Variants in TSGA13 observed in about 807,000 individuals in gnomAD.
TSGA13 encodes the protein testis-specific gene 13 protein.
A neutral mutation model predicts 35.1 loss-of-function variants in TSGA13; 37 were observed. The observed-to-expected ratio is 1.05, with a 90% CI of 0.81 to 1.39. The LOEUF is 1.39. Ranked by LOEUF, TSGA13 falls within the 40% of genes most tolerant of loss-of-function variation. The pLI is 0.00. For missense variants in TSGA13, 338 were observed against 328.5 expected (o/e 1.03, Z -0.22); for synonymous variants, 124 against 121.2 (o/e 1.02, Z -0.15).
rs1796186307 is a variant in TSGA13 at position 130,669,203 on chromosome 7, C to T, written c.659-20G>A. 1.9e-6 allele frequency: 3 copies of T among 1,613,890 alleles called. No individual in the cohort carries two copies. Among genetic ancestry groups the T allele is most frequent in the African/African-American group, 2.7e-5 (2 of 74,916 alleles). ...TGGAAGCTACGACAAAGCACAGGCA[C>T]CCTGGTGAATGTGGCTTTTCAGAAG... On this transcript the variant is annotated intron_variant, in intron 7 of 7. Transcript: ENST00000356588.
Position 130,679,373 on chromosome 7 carries a change from C to A in TSGA13, c.175-6G>T, listed in dbSNP as rs201258535. ...AAAGGCTTATAGTACTGGGCCTGAA[C>A]AGACAGAAAGGTTTCCAGAGAGAAA... On this transcript the variant is annotated splice_region_variant and splice_polypyrimidine_tract_variant and intron_variant, in intron 4 of 7. Coordinates refer to ENST00000356588, the MANE Select transcript of TSGA13 (RefSeq NM_052933.4). 6.2e-7 allele frequency: 1 copy of A among 1,603,046 alleles called. No individual in the cohort carries two copies. The highest frequency in any genetic ancestry group is 8.5e-7 in the Non-Finnish European group (1 of 1,174,384).
intron 7 of TSGA13, among the ~76,000 whole-genome samples, chr7:130,669,745 G>A (rs1455888630): frequency 2.0e-5 from 3 of 152,174 alleles, no homozygotes; most frequent in Non-Finnish European, 4.4e-5. Flanking sequence ...CCTACATATG[G>A]TATCATTTAA....
rs542050399 is a variant in TSGA13, at chr7:130,674,825, T to G, written c.388-1949A>C. ...CCATGTCTTTTCAATTCTGAACTTA[T>G]TCTCTTTAAGCTCTTGTATTAGGAT... On this transcript the variant is annotated intron_variant, in intron 5 of 7. Transcript: ENST00000356588. 7.7e-4 allele frequency among the ~76,000 whole-genome samples: 118 copies of G among 152,346 alleles called. No homozygotes were observed. In the Middle Eastern group the frequency reaches 0.014, roughly 18 times the overall value.
At chr7:130,670,238 T>C (rs1554462763) in intron 7 of TSGA13, among the ~76,000 whole-genome samples, 1 of 152,200 alleles carries the variant, frequency 6.6e-6, no homozygotes, top group African/African-American at 2.4e-5. Context: ...CAGATAGGTA[T>C]AGCAGGAGCA....
chr7:130,685,128 A>G (rs369401109), intron 2 of TSGA13, 60 bp downstream of exon 2: 1 of 1,524,548 alleles, frequency 6.6e-7, no homozygotes, highest in East Asian at 2.3e-5. Context: ...GCTGTGGGCT[A>G]TGCAATAAGT....
intron 7 of TSGA13, 69 bp from the exon 8 acceptor site, chr7:130,669,252 G>C: frequency 4.4e-6 from 7 of 1,597,650 alleles, no homozygotes; most frequent in Non-Finnish European, 5.1e-6. Flanking sequence ...CTTAATGTGA[G>C]ATGTAAAGGA....
chr7:130,681,067 C>T (rs782520668), intron 3 of TSGA13, 50 bp from the exon 4 acceptor site: 1 of 1,521,676 alleles, frequency 6.6e-7, no homozygotes, highest in East Asian at 2.3e-5. Flanking sequence ...CTATCCTAAA[C>T]AGTATTCCAT....
rs781938918 is a variant in TSGA13, at chr7:130,685,191, G to A, written c.20C>T (p.Thr7Ile). Residue 7 changes from threonine (T) to isoleucine (I), a missense_variant, in exon 2 of 8, where the codon ACC becomes ATC. By Grantham distance (89) the Thr-to-Ile change is moderately conservative. Transcript: ENST00000356588. MSQKRQ[T>I]KFQNGKSKTS... ...TTGGGCAAACAAGACTACATACTTG[G>A]TTTGTCTCTTTTGGCTCATTGCTGT... 1.2e-6 allele frequency: 2 copies of A among 1,613,350 alleles called. No homozygotes were observed. The highest frequency in any genetic ancestry group is 1.1e-5 in the South Asian group (1 of 91,052).
intron 5 of TSGA13, among the ~76,000 whole-genome samples, chr7:130,676,318 A>G (rs1796411033): frequency 6.6e-6 from 1 of 152,192 alleles, no homozygotes; most frequent in African/African-American, 2.4e-5. Context: ...CCAGTCTTTG[A>G]GCCTTAACTT....
rs782180454 is a variant in TSGA13 at position 130,669,136 on chromosome 7, C to A, written c.706G>T (p.Glu236Ter). ...AAGAGCGATGCGAGTGTCAGTGGTT[C>A]CCGAATCACTTTGGAAATTGGCCTT... ...SERPISKVIREPLTLASLLED... is the reference protein window; with the variant it reads ...SERPISKVIR The change falls in exon 8 of 8, where the codon GAA (glutamate) becomes TAA (stop). Residue 236 changes from glutamate to a stop codon, truncating the protein, a stop_gained. Transcript: ENST00000356588. LOFTEE classifies it high-confidence loss of function. 4 of 1,614,064 alleles carry A rather than the reference C, an allele frequency of 2.5e-6. No homozygotes were observed. In the Admixed American group the frequency reaches 6.7e-5, roughly 27 times the overall value.
At chr7:130,683,228 A>C (rs1796588824) in intron 3 of TSGA13, among the ~76,000 whole-genome samples, 1 of 152,212 alleles carries the variant, frequency 6.6e-6, no homozygotes, top group African/African-American at 2.4e-5. Flanking sequence ...GATTAAATAA[A>C]AGTTGGCCTG....
chr7:130,669,670 A>G (rs1252689219), intron 7 of TSGA13, among the ~76,000 whole-genome samples: 1 of 152,242 alleles, frequency 6.6e-6, no homozygotes, highest in Non-Finnish European at 1.5e-5. Flanking sequence ...TCTAACCTAG[A>G]TTACATTCTA....
At chr7:130,670,278 G>A (rs1796231376) in intron 7 of TSGA13, among the ~76,000 whole-genome samples, 1 of 152,164 alleles carries the variant, frequency 6.6e-6, no homozygotes, top group African/African-American at 2.4e-5. Flanking sequence ...GTTAAGGGAT[G>A]GTATAATATG....
chr7:130,671,722 C>T lies in TSGA13; in HGVS notation c.597G>A (p.Gln199=), dbSNP rs1387469646. The T allele has an allele frequency of 4.3e-6, 7 of 1,611,202 alleles. No homozygotes were observed. The highest frequency in any genetic ancestry group is 5.9e-6 in the Non-Finnish European group (7 of 1,178,122). Residue 199 remains glutamine, a synonymous_variant, in exon 7 of 8, where the codon CAG becomes CAA. Transcript: ENST00000356588. The part of the protein sequence containing the change: ...KYSKVYALRT[Q]KKMYPQLTFA... ...AGGTGAGCTGAGGGTACATTTTCTT[C>T]TGTGTCCTCAAAGCGTAGACTTTTG...
chr7:130,678,143 C>CTA (rs1290894047), intron 5 of TSGA13, among the ~76,000 whole-genome samples: 10 of 152,134 alleles, frequency 6.6e-5, no homozygotes, highest in Non-Finnish European at 1.3e-4. Flanking sequence ...CTTTGGGAGG[C>CTA]CAAGGCGGGT....
At position 130,669,113 on chromosome 7, in the gene TSGA13, G is replaced by A; in HGVS notation, c.729C>T (p.Leu243=). 1 of 1,614,230 alleles carries A rather than the reference G, an allele frequency of 6.2e-7. No individual in the cohort carries two copies. The highest frequency in any genetic ancestry group is 8.5e-7 in the Non-Finnish European group (1 of 1,180,040). ...VIREPLTLAS[L]LEDMPTRTAP... ...CGGTTCTGGTGGGCATGTCTTCCAA[G>A]AGCGATGCGAGTGTCAGTGGTTCCC... The change falls in exon 8 of 8, where the codon CTC becomes CTT. Residue 243 remains leucine (L), a synonymous_variant. Transcript: ENST00000356588.
rs782350672 is a variant in TSGA13, at chr7:130,668,984, A to C, written c.*30T>G. The C allele has an allele frequency of 2.5e-6, 4 of 1,609,882 alleles. No individual in the cohort carries two copies. The highest frequency in any genetic ancestry group is 1.7e-5 in the Admixed American group (1 of 59,684). ...TCTGCGGACCCCTCAGTCTCAAGAG[A>C]GCGAGGCGGGAGGACTGAGGGGTCT... On this transcript the variant is annotated 3_prime_UTR_variant, in exon 8 of 8. Transcript: ENST00000356588.
intron 5 of TSGA13, among the ~76,000 whole-genome samples, chr7:130,676,896 C>CT (rs781832667): frequency 1.1e-3 from 154 of 143,156 alleles, no homozygotes; most frequent in Middle Eastern, 3.7e-3. Context: ...GATTTTGATT[C>CT]TTTTTTTTTT....
At chr7:130,677,017 G>A (rs948404084) in intron 5 of TSGA13, among the ~76,000 whole-genome samples, 9 of 151,030 alleles carry the variant, frequency 6.0e-5, no homozygotes, top group South Asian at 4.2e-4. Context: ...CTCAGCCTCC[G>A]GAGTAGCTGG....
Sources: gnomAD v4.1 joint callset for allele counts (sites outside exome capture counted in the v4.1 genomes callset) on GRCh38, gnomAD v4.1.1 for gene constraint, MANE v1.5 for transcripts, NCBI Gene and HGNC (gene_info 2026-07-23, HGNC 2026-07-21) for gene names.